BUB1B: variants seen among roughly 807,000 people sequenced by gnomAD.
BUB1B encodes the protein BUB1 mitotic checkpoint serine/threonine kinase B.
A neutral mutation model predicts 137.7 loss-of-function variants in BUB1B; 86 were observed. The observed-to-expected ratio is 0.62, with a 90% confidence interval of 0.52 to 0.75. The LOEUF (loss-of-function observed/expected upper bound fraction) is 0.75. Ranked by LOEUF, BUB1B falls within the 30% of genes least tolerant of loss-of-function variation. The pLI is 0.00. For missense variants in BUB1B, 1,130 were observed against 1,236.9 expected (o/e 0.91, Z 1.30); for synonymous variants, 420 against 417.9 (o/e 1.00, Z -0.06).
At chr15:40,185,435 G>C (rs537943729) in intron 7 of BUB1B, 56 bp downstream of exon 7, 3 of 1,596,100 alleles carry the variant, frequency 1.9e-6, no homozygotes, top group Admixed American at 1.7e-5. Context: ...CACATTTAGG[G>C]TAGAGAAGTA....
intron 8 of BUB1B, among the ~76,000 whole-genome samples, chr15:40,189,512 G>A (rs1183738806): frequency 6.6e-6 from 1 of 152,102 alleles, no homozygotes; most frequent in Admixed American, 6.5e-5. Context: ...TGTTTTCAAG[G>A]TTCATCCACG....
intron 4 of BUB1B, among the ~76,000 whole-genome samples, chr15:40,172,796 A>G (rs1312926345): frequency 6.6e-6 from 1 of 152,206 alleles, no homozygotes; most frequent in Non-Finnish European, 1.5e-5. Flanking sequence ...ATATTTTTAC[A>G]TCCTTAGTGA....
At chr15:40,179,986 A>ATATATATATC (rs2037265512) in intron 5 of BUB1B, among the ~76,000 whole-genome samples, 1 of 148,430 alleles carries the variant, frequency 6.7e-6, no homozygotes, top group African/African-American at 2.5e-5. Context: ...ATATATATAT[A>ATATATATATC]TATCTCTTAA....
chr15:40,188,007 A>G (rs1168526225), intron 8 of BUB1B, among the ~76,000 whole-genome samples: 1 of 152,264 alleles, frequency 6.6e-6, no homozygotes, highest in Non-Finnish European at 1.5e-5. Flanking sequence ...GTCATTTTGT[A>G]GAAACATGAC....
intron 5 of BUB1B, among the ~76,000 whole-genome samples, chr15:40,178,700 C>T (rs2037249490): frequency 6.6e-6 from 1 of 152,046 alleles, no homozygotes; most frequent in Admixed American, 6.6e-5. Flanking sequence ...TTAGTCCCAT[C>T]AGTTTTGCCT....
At position 40,220,175 on chromosome 15, in the gene BUB1B, AAAG is replaced by A. The variant is rs1275929037; in HGVS notation, c.2958-384_2958-382del. ...AAGCTTACGATTATCAGAGAATTGT[AAAG>A]AAGATCCACTACTGGGGTAGGAGAA... On this transcript the variant is annotated intron_variant, in intron 22 of 22. Transcript: ENST00000287598. Among the ~76,000 whole-genome samples, 17 of 152,368 alleles carry A rather than the reference AAAG, an allele frequency of 1.1e-4. 1 individual carries two copies. In the East Asian group the frequency reaches 2.9e-3, roughly 26 times the overall value.
intron 14 of BUB1B, 61 bp from the exon 15 acceptor site, chr15:40,206,123 G>A: frequency 6.4e-7 from 1 of 1,562,566 alleles, no homozygotes; most frequent in Non-Finnish European, 8.8e-7. Context: ...GTCTCTCTCA[G>A]TAAAAAAGTT....
chr15:40,169,423 T>C (rs952956362), intron 2 of BUB1B, among the ~76,000 whole-genome samples: 8 of 152,210 alleles, frequency 5.3e-5, no homozygotes, highest in South Asian at 2.1e-4. Context: ...TTAAGTAGCT[T>C]GTCCGTGTTA....
At chr15:40,202,539 G>T (rs1237161588) in intron 13 of BUB1B, 50 bp from the exon 14 acceptor site, 1 of 1,595,102 alleles carries the variant, frequency 6.3e-7, no homozygotes. Flanking sequence ...GGATAAATTA[G>T]GGGTTACTGT....
chr15:40,186,647 G>A (rs368056356), intron 8 of BUB1B, among the ~76,000 whole-genome samples: 273 of 150,068 alleles, frequency 1.8e-3, no homozygotes, highest in African/African-American at 6.2e-3. Flanking sequence ...GGGTTTCACC[G>A]TGTTAGCCAG....
Position 40,202,439 on chromosome 15 carries a change from T to G in BUB1B, c.1602T>G (p.Phe534Leu), listed in dbSNP as rs771608041. 14 of 1,612,422 alleles carry G rather than the reference T, an allele frequency of 8.7e-6. No homozygotes were observed. The South Asian group carries it at 1.3e-4, about 15-fold the overall frequency. Residue 534 changes from phenylalanine (F) to leucine (L), a missense_variant, in exon 13 of 23, where the codon TTT becomes TTG. Phe to Leu is a conservative substitution (Grantham distance 22). Coordinates refer to ENST00000287598, the MANE Select transcript of BUB1B (RefSeq NM_001211.6). The part of the protein sequence containing the change: ...PSVPFSIFDE[F>L]LLSEKKNKSP... ...TACCTTTCTCCATTTTTGATGAGTT[T>G]CTTCTTTCAGAAAAGAAGAATAAAA...
chr15:40,204,972 A>G (rs2037619624), intron 14 of BUB1B, among the ~76,000 whole-genome samples: 2 of 108,798 alleles, frequency 1.8e-5, no homozygotes, highest in Non-Finnish European at 1.8e-5. Flanking sequence ...TTTGAGACTG[A>G]GTTTCACTCT....
At chr15:40,201,430 GT>G (rs2037567638) in intron 12 of BUB1B, among the ~76,000 whole-genome samples, 1 of 152,088 alleles carries the variant, frequency 6.6e-6, no homozygotes, top group Non-Finnish European at 1.5e-5. Context: ...TTAAACCTCT[GT>G]TTCTAACCGT....
At chr15:40,170,423 G>C in intron 3 of BUB1B, 114 bp from the exon 4 acceptor site, 1 of 1,234,202 alleles carries the variant, frequency 8.1e-7, no homozygotes, top group Non-Finnish European at 1.2e-6. Flanking sequence ...ATGTCATTGA[G>C]GACCTCAAAA....
At chr15:40,189,410 T>G (rs1226399961) in intron 8 of BUB1B, among the ~76,000 whole-genome samples, 1 of 152,208 alleles carries the variant, frequency 6.6e-6, no homozygotes, top group Non-Finnish European at 1.5e-5. Context: ...TCCGCCCACC[T>G]CGGCTTCCCA....
In BUB1B at chr15:40,196,752, G is replaced by A. The variant is rs2037503510; in HGVS notation, c.1266G>A (p.Lys422=). Residue 422 remains lysine (K), a synonymous_variant, in exon 9 of 23, where the codon AAG becomes AAA. Coordinates refer to ENST00000287598, the MANE Select transcript of BUB1B (RefSeq NM_001211.6). ...FEEIRAEVFR[K]KLKEQREAEL... ...AAATTCGGGCTGAAGTTTTCCGGAAGAAATTAAAAGAGCAAAGGGAAGGTG... is the reference window on the plus strand; with the variant it reads ...AAATTCGGGCTGAAGTTTTCCGGAAAAAATTAAAAGAGCAAAGGGAAGGTG... The A allele has an allele frequency of 6.2e-7, 1 of 1,613,898 alleles. No homozygotes were observed. Among genetic ancestry groups the A allele is most frequent in the Non-Finnish European group, 8.5e-7 (1 of 1,179,900 alleles).
intron 12 of BUB1B, 83 bp from the exon 13 acceptor site, chr15:40,202,322 C>A (rs1001966495): frequency 1.3e-5 from 16 of 1,247,210 alleles, no homozygotes; most frequent in Admixed American, 6.0e-5. Flanking sequence ...TCAAACAACA[C>A]AAAATATTGA....
rs947800705 is a variant in BUB1B, at chr15:40,166,017, T to A, written c.179+821T>A. 2.0e-5 allele frequency among the ~76,000 whole-genome samples: 3 copies of A among 151,876 alleles called. No homozygotes were observed. In the South Asian group the frequency reaches 6.2e-4, roughly 32 times the overall value. On this transcript the variant is annotated intron_variant, in intron 2 of 22. Coordinates refer to ENST00000287598, the MANE Select transcript of BUB1B (RefSeq NM_001211.6). The stretch of plus-strand genomic sequence containing the variant: ...ACAGGCGTGCGCCGCCACGCCTGGG[T>A]AATTTTTGTATTTTTAGTAGAGATG...
intron 20 of BUB1B, among the ~76,000 whole-genome samples, chr15:40,214,253 A>G (rs1189503195): frequency 6.6e-6 from 1 of 152,222 alleles, no homozygotes; most frequent in African/African-American, 2.4e-5. Context: ...TTAGTGTTCA[A>G]ATTAAACCCA....
Sources: allele counts gnomAD v4.1 joint callset (sites outside exome capture counted in the v4.1 genomes callset), GRCh38; gene constraint gnomAD v4.1.1; transcripts MANE v1.5; gene names NCBI Gene and HGNC (gene_info 2026-07-23, HGNC 2026-07-21).